JCAD: variants seen among roughly 807,000 people sequenced by gnomAD.
The protein encoded by JCAD is junctional cadherin 5-associated protein.
Under a neutral mutation model 98.0 loss-of-function variants are expected in JCAD, and 40 were observed. That is an observed-to-expected ratio of 0.41 (90% CI 0.32 to 0.53). JCAD has a LOEUF of 0.53. Among genes scored for constraint, JCAD ranks in the 20% least tolerant of loss-of-function variants. The pLI is 0.31. For missense variants in JCAD, 1,705 were observed against 1,738.1 expected (o/e 0.98, Z 0.34); for synonymous variants, 691 against 682.3 (o/e 1.01, Z -0.20).
At chr10:30,082,382 T>C (rs74655254) in intron 1 of JCAD, among the ~76,000 whole-genome samples, 12,097 of 152,170 alleles carry the variant, frequency 0.079, 638 homozygotes, top group East Asian at 0.22. Flanking sequence ...TTCATATTAT[T>C]CTCTAAGCAA....
intron 1 of JCAD, among the ~76,000 whole-genome samples, chr10:30,098,754 T>G (rs1268019607): frequency 6.6e-6 from 1 of 152,222 alleles, no homozygotes; most frequent in Admixed American, 6.5e-5. Context: ...ATTCCAAAGT[T>G]CTTACTGTCC....
intron 1 of JCAD, among the ~76,000 whole-genome samples, chr10:30,074,445 C>T (rs1037165654): frequency 6.6e-6 from 1 of 152,188 alleles, no homozygotes; most frequent in African/African-American, 2.4e-5. Context: ...CCTCACAGAT[C>T]GGGGGTCATG....
rs143397498 is a variant in JCAD at position 30,033,389 on chromosome 10, AGAGT to A, written c.282-3527_282-3524del. On this transcript the variant is annotated intron_variant, in intron 2 of 3. Transcript: ENST00000375377. The stretch of plus-strand genomic sequence containing the variant: ...ACGTGATGTAGGTCTCAGATCATTT[AGAGT>A]AAGTCCTTAGAAAAGAAGTGAGTAG... Among the ~76,000 whole-genome samples the A allele has an allele frequency of 4.0e-3, 603 of 152,354 alleles. 5 individuals are homozygous for A. The highest frequency in any genetic ancestry group is 0.014 in the African/African-American group (578 of 41,586).
At chr10:30,089,376 T>C (rs1199615191) in intron 1 of JCAD, among the ~76,000 whole-genome samples, 1 of 152,184 alleles carries the variant, frequency 6.6e-6, no homozygotes, top group African/African-American at 2.4e-5. Context: ...CTTCCAGCAA[T>C]TGAATAACAC....
rs1237083438 is a variant in JCAD at position 30,026,821 on chromosome 10, G to C, written c.3327C>G (p.Asn1109Lys). ...LLPGIRRAGQ[N>K]QPAEPDASAC... The stretch of plus-strand genomic sequence containing the variant: ...CACTTGCATCGGGCTCAGCAGGCTG[G>C]TTCTGTCCCGCTCTCCGGATGCCCG... Residue 1109 changes from asparagine (N) to lysine (K), a missense_variant, in exon 3 of 4, where the codon AAC (asparagine) becomes AAG (lysine). Asn to Lys is a moderately conservative substitution (Grantham distance 94). This residue lies in a region of JCAD where 1,278 missense variants were observed against 1,243.1 expected (regional missense o/e 1.03). Transcript: ENST00000375377. 3 of 1,614,056 alleles carry C rather than the reference G, an allele frequency of 1.9e-6. No homozygotes were observed. The highest frequency in any genetic ancestry group is 1.7e-6 in the Non-Finnish European group (2 of 1,180,044).
rs185354868 is a variant in JCAD, at chr10:30,047,534, C to T, written c.279G>A (p.Ala93=). The change falls in exon 2 of 4, where the codon GCG becomes GCA. Residue 93 remains alanine (A), a splice_region_variant and synonymous_variant. Coordinates refer to ENST00000375377, the MANE Select transcript of JCAD (RefSeq NM_020848.4). ...QSTSASRTSE[A]GFCNQPPSAW... is the part of the protein sequence containing the mutation. ...GGTGGGTTCACAGTGAAACTTACCC[C>T]GCCTCCGAGGTTCTGGAAGCAGAAG... is the stretch of plus-strand genomic sequence containing the variant. 66 of 1,610,296 alleles carry T rather than the reference C, an allele frequency of 4.1e-5. No individual in the cohort carries two copies. Among genetic ancestry groups the T allele is most frequent in the Admixed American group, 1.4e-4 (8 of 58,976 alleles).
At chr10:30,102,341 T>C (rs1838486618) in intron 1 of JCAD, among the ~76,000 whole-genome samples, 1 of 152,026 alleles carries the variant, frequency 6.6e-6, no homozygotes, top group African/African-American at 2.4e-5. Context: ...CCGGCTAATT[T>C]TTGTATTTTT....
chr10:30,022,091 C>G (rs1357435118), intron 3 of JCAD, among the ~76,000 whole-genome samples: 2 of 152,154 alleles, frequency 1.3e-5, no homozygotes, highest in African/African-American at 4.8e-5. Flanking sequence ...CGAATTGGAG[C>G]ATCAGTCATC....
intron 1 of JCAD, among the ~76,000 whole-genome samples, chr10:30,071,956 C>CCACTCACT (rs1275404845): frequency 6.6e-6 from 1 of 152,112 alleles, no homozygotes; most frequent in East Asian, 1.9e-4. Context: ...ATTATAAGCT[C>CCACTCACT]CACTCACTCG....
chr10:30,090,564 AGAGGGGAGGG>A (rs554794853), intron 1 of JCAD, among the ~76,000 whole-genome samples: 5 of 105,994 alleles, frequency 4.7e-5, no homozygotes, highest in African/African-American at 1.8e-4. Flanking sequence ...AAAGGAGAGG[AGAGGGGAGGG>A]GAGGGGAGGG....
At chr10:30,079,346 C>CAAAA (rs373809311) in intron 1 of JCAD, among the ~76,000 whole-genome samples, 14 of 64,606 alleles carry the variant, frequency 2.2e-4, no homozygotes, top group African/African-American at 3.8e-4. Context: ...GACTCCATCT[C>CAAAA]AAAAAAAAAA....
intron 1 of JCAD, among the ~76,000 whole-genome samples, chr10:30,073,383 C>T (rs1025643017): frequency 1.3e-5 from 2 of 152,184 alleles, no homozygotes; most frequent in African/African-American, 4.8e-5. Context: ...TGTTCTTACG[C>T]TGCACACTCC....
intron 2 of JCAD, among the ~76,000 whole-genome samples, chr10:30,065,992 C>A (rs1394435168): frequency 3.3e-5 from 5 of 152,098 alleles, no homozygotes; most frequent in Non-Finnish European, 7.4e-5. Context: ...TAAGGAAATG[C>A]CCAGATGATT....
chr10:30,037,934 TAAA>T (rs57504197), intron 2 of JCAD, among the ~76,000 whole-genome samples: 2 of 109,294 alleles, frequency 1.8e-5, no homozygotes, highest in African/African-American at 3.4e-5. Flanking sequence ...ATGGAAAAAT[TAAA>T]AAAAAAAAAA....
intron 3 of JCAD, among the ~76,000 whole-genome samples, chr10:30,019,312 G>T (rs1399682522): frequency 6.7e-6 from 1 of 149,470 alleles, no homozygotes; most frequent in Non-Finnish European, 1.5e-5. Flanking sequence ...AGCCGAGATG[G>T]CGCCATTGCA....
At position 30,028,450 on chromosome 10, in the gene JCAD, C is replaced by G. The variant is rs757147472; in HGVS notation, c.1698G>C (p.Arg566=). 3.1e-6 allele frequency: 5 copies of G among 1,614,188 alleles called. No homozygotes were observed. The Admixed American group carries it at 5.0e-5, about 16-fold the overall frequency. The change falls in exon 3 of 4, where the codon CGG becomes CGC. Residue 566 remains arginine, a synonymous_variant. Transcript: ENST00000375377. ...TTTTTTTCTTTGAACTTTTCTTGGT[C>G]CGAGTCCCAGTTTGGAACTTTTTGA... The part of the protein sequence containing the change: ...TKLKKFQTGT[R]TKKSSKKKMN...
intron 2 of JCAD, among the ~76,000 whole-genome samples, chr10:30,069,446 CAAAAA>C (rs35069678): frequency 1.0e-4 from 11 of 105,556 alleles, no homozygotes; most frequent in African/African-American, 3.0e-4. Context: ...AGAAAATTTA[CAAAAA>C]AAAAAAAAAA....
At chr10:30,107,844 T>C (rs907664728) in intron 1 of JCAD, among the ~76,000 whole-genome samples, 4 of 152,178 alleles carry the variant, frequency 2.6e-5, no homozygotes, top group Non-Finnish European at 4.4e-5. Flanking sequence ...ATTTCAGAAT[T>C]AAGATGAAAC....
chr10:30,050,314 CAAAAAAAAAAAAAAAAA>C (rs61421356), intron 1 of JCAD, among the ~76,000 whole-genome samples: 1 of 41,728 alleles, frequency 2.4e-5, no homozygotes, highest in Admixed American at 3.4e-4. Context: ...GACCCTGTCT[CAAAAAAAAAAAAAAAAA>C]AAAAAAAAAA....
Sources: allele counts gnomAD v4.1 joint callset (sites outside exome capture counted in the v4.1 genomes callset), GRCh38; gene constraint gnomAD v4.1.1; regional missense constraint gnomAD v4.1.1; transcripts MANE v1.5; gene names NCBI Gene and HGNC (gene_info 2026-07-23, HGNC 2026-07-21).